SLC25A21: variants seen among roughly 807,000 people sequenced by gnomAD.
SLC25A21 encodes the protein mitochondrial 2-oxodicarboxylate carrier.
In SLC25A21, 47 loss-of-function variants were observed where a neutral mutation model predicts 43.8. The ratio of observed to expected loss-of-function variants is 1.07; its 90% confidence interval spans 0.85 to 1.37. SLC25A21 has a LOEUF of 1.37. Among genes scored for constraint, SLC25A21 ranks in the 40% most tolerant of loss-of-function variants. The pLI is 0.00. For missense variants in SLC25A21, 352 were observed against 350.2 expected, an observed-to-expected ratio of 1.00 and a Z score of -0.04; for synonymous variants, 131 against 121.3, an observed-to-expected ratio of 1.08 and a Z score of -0.52.
At chr14:36,840,851 A>G (rs1288819523) in intron 2 of SLC25A21, among the ~76,000 whole-genome samples, 8 of 152,194 alleles carry the variant, frequency 5.3e-5, no homozygotes, top group Non-Finnish European at 1.2e-4. Flanking sequence ...GACATCACGG[A>G]AAAGAGCGGC....
chr14:37,103,050 T>C (rs1466337274), intron 1 of SLC25A21, among the ~76,000 whole-genome samples: 1 of 151,868 alleles, frequency 6.6e-6, no homozygotes, highest in African/African-American at 2.4e-5. Context: ...ATCGTATCAA[T>C]CCCAGCAATA....
intron 1 of SLC25A21, among the ~76,000 whole-genome samples, chr14:37,157,500 A>G (rs1963871871): frequency 6.6e-6 from 1 of 152,234 alleles, no homozygotes; most frequent in Non-Finnish European, 1.5e-5. Flanking sequence ...ACTTGAGTCA[A>G]TGAATAATTA....
At chr14:37,070,210 C>A (rs1962143216) in intron 1 of SLC25A21, among the ~76,000 whole-genome samples, 1 of 152,156 alleles carries the variant, frequency 6.6e-6, no homozygotes. Context: ...CTTTGATGGG[C>A]ACACCAAGAG....
Position 37,137,504 on chromosome 14 carries a change from A to C in SLC25A21, c.70+34777T>G, listed in dbSNP as rs868764898. On this transcript the variant is annotated intron_variant, in intron 1 of 9. Transcript: ENST00000331299. ...CATAGATACCAGCTGATTTTCTTATAGAATTTTGTCATTGTTTATAAGATG... is the reference window on the plus strand; with the variant it reads ...CATAGATACCAGCTGATTTTCTTATCGAATTTTGTCATTGTTTATAAGATG... Among the ~76,000 whole-genome samples the C allele has an allele frequency of 3.9e-5, 6 of 152,326 alleles. No individual in the cohort carries two copies. The South Asian group carries it at 6.2e-4, about 16-fold the overall frequency.
chr14:37,164,205 T>C (rs1659096603), intron 1 of SLC25A21, among the ~76,000 whole-genome samples: 1 of 152,218 alleles, frequency 6.6e-6, no homozygotes, highest in South Asian at 2.1e-4. Context: ...AACTCATATT[T>C]TGTTTGTTCT....
At chr14:37,171,054 C>G (rs1964117151) in intron 1 of SLC25A21, among the ~76,000 whole-genome samples, 1 of 146,896 alleles carries the variant, frequency 6.8e-6, no homozygotes, top group Non-Finnish European at 1.5e-5. Context: ...CCATGGCAAT[C>G]CAGCTCCGGT....
intron 3 of SLC25A21, among the ~76,000 whole-genome samples, chr14:36,748,069 T>C (rs1437502118): frequency 6.6e-6 from 1 of 152,246 alleles, no homozygotes; most frequent in Non-Finnish European, 1.5e-5. Flanking sequence ...GTTAAGCAAC[T>C]TTCCTAGTAG....
rs150695039 is a variant in SLC25A21 at position 36,900,114 on chromosome 14, T to C, written c.71-25110A>G. On this transcript the variant is annotated intron_variant, in intron 1 of 9. Coordinates refer to ENST00000331299, the MANE Select transcript of SLC25A21 (RefSeq NM_030631.4). ...ACTCTTTCTCACATGCCCTCATCTG[T>C]TTGTCCCTGCTTGCTTTATTCACTC... Among the ~76,000 whole-genome samples the C allele has an allele frequency of 3.2e-3, 487 of 151,990 alleles. 4 individuals carry two copies. Among genetic ancestry groups the C allele is most frequent in the African/African-American group, 0.011 (457 of 41,468 alleles).
intron 1 of SLC25A21, among the ~76,000 whole-genome samples, chr14:36,932,823 C>A (rs1408910551): frequency 6.6e-6 from 1 of 151,602 alleles, no homozygotes; most frequent in Non-Finnish European, 1.5e-5. Flanking sequence ...GTACTTGGAA[C>A]TCACAGACCA....
intron 1 of SLC25A21, among the ~76,000 whole-genome samples, chr14:37,092,931 A>ACACG (rs1962617043): frequency 1.3e-5 from 2 of 151,784 alleles, no homozygotes. Flanking sequence ...ACACACACAC[A>ACACG]CACGCACATA....
intron 3 of SLC25A21, among the ~76,000 whole-genome samples, chr14:36,800,309 G>A (rs2138418725): frequency 6.6e-6 from 1 of 152,252 alleles, no homozygotes; most frequent in East Asian, 1.9e-4. Flanking sequence ...GCCAAAAGGT[G>A]GAGGCAGCCC....
chr14:36,981,916 T>G (rs1960034914), intron 1 of SLC25A21, among the ~76,000 whole-genome samples: 1 of 151,730 alleles, frequency 6.6e-6, no homozygotes, highest in Admixed American at 6.6e-5. Flanking sequence ...AACAGGCGAG[T>G]TGATGTATCT....
chr14:36,883,679 G>C (rs527552217), intron 1 of SLC25A21, among the ~76,000 whole-genome samples: 2 of 152,222 alleles, frequency 1.3e-5, no homozygotes, highest in African/African-American at 4.8e-5. Flanking sequence ...TTATATAAGA[G>C]AATAAAACTG....
chr14:36,747,037 G>A (rs780199796), intron 3 of SLC25A21, among the ~76,000 whole-genome samples: 14 of 152,058 alleles, frequency 9.2e-5, no homozygotes, highest in Non-Finnish European at 8.8e-5. Context: ...ACATCTATAT[G>A]TATACATCAA....
intron 3 of SLC25A21, among the ~76,000 whole-genome samples, chr14:36,786,608 CTT>C (rs1279566173): frequency 6.6e-6 from 1 of 152,208 alleles, no homozygotes; most frequent in Non-Finnish European, 1.5e-5. Flanking sequence ...CCTCCCAACT[CTT>C]TGCAAGGCTC....
At chr14:36,862,308 A>G (rs1004609672) in intron 2 of SLC25A21, among the ~76,000 whole-genome samples, 6 of 152,210 alleles carry the variant, frequency 3.9e-5, no homozygotes, top group Non-Finnish European at 5.9e-5. Flanking sequence ...ACACATGCAC[A>G]TGTATGTTTA....
chr14:36,910,653 C>T (rs1414546862), intron 1 of SLC25A21, among the ~76,000 whole-genome samples: 1 of 152,142 alleles, frequency 6.6e-6, no homozygotes, highest in Non-Finnish European at 1.5e-5. Flanking sequence ...TGGTTTTGAT[C>T]ATATGAGGTA....
Position 36,818,154 on chromosome 14 carries a change from C to T in SLC25A21, c.120-4153G>A, listed in dbSNP as rs115194364. ...AGTGTTTCAGAGTATCAGATGCTAGCACCACTCTTATTGGGGATGATCGGC... is the reference window on the plus strand; with the variant it reads ...AGTGTTTCAGAGTATCAGATGCTAGTACCACTCTTATTGGGGATGATCGGC... On this transcript the variant is annotated intron_variant, in intron 2 of 9. Coordinates refer to ENST00000331299, the MANE Select transcript of SLC25A21 (RefSeq NM_030631.4). Among the ~76,000 whole-genome samples, 788 of 152,192 alleles carry T rather than the reference C, an allele frequency of 5.2e-3. 4 individuals carry two copies. The highest frequency in any genetic ancestry group is 0.018 in the African/African-American group (761 of 41,532).
intron 3 of SLC25A21, among the ~76,000 whole-genome samples, chr14:36,797,775 C>A (rs1338287408): frequency 6.6e-6 from 1 of 152,150 alleles, no homozygotes; most frequent in Non-Finnish European, 1.5e-5. Context: ...TGATCCCAAA[C>A]CTTATTTGAA....
Sources: gnomAD v4.1 joint callset for allele counts (sites outside exome capture counted in the v4.1 genomes callset) on GRCh38, gnomAD v4.1.1 for gene constraint, MANE v1.5 for transcripts, NCBI Gene and HGNC (gene_info 2026-07-23, HGNC 2026-07-21) for gene names.